The following TLCD2 variants were observed in gnomAD, a reference collection of about 807,000 sequenced individuals.
TLCD2 encodes TLC domain containing 2.
Under a neutral mutation model 14.0 loss-of-function variants are expected in TLCD2, and 12 were observed. That is an observed-to-expected ratio of 0.86 (90% CI 0.55 to 1.39). The LOEUF is 1.39. Ranked by LOEUF, TLCD2 falls within the 40% of genes most tolerant of loss-of-function variation. The pLI is 0.00. For synonymous variants in TLCD2, 166 were observed against 156.5 expected (o/e 1.06, Z -0.45); for missense variants, 360 against 346.8 (o/e 1.04, Z -0.30).
At position 1,707,752 on chromosome 17, in the gene TLCD2, G is replaced by C. The variant is rs2151144875; in HGVS notation, c.*18C>G. ...GTCCTGGCCCCACCTCCCCCAGCGA[G>C]GGGCCCATGGCTTCTCTCTAGTCTT... is the stretch of plus-strand genomic sequence containing the variant. On this transcript the variant is annotated 3_prime_UTR_variant, in exon 4 of 4. Transcript: ENST00000330676. The C allele has an allele frequency of 1.4e-6, 2 of 1,465,036 alleles. No homozygotes were observed. The highest frequency in any genetic ancestry group is 5.0e-5 in the East Asian group (2 of 40,256). 90.8% of individuals were successfully genotyped at this position (1,465,036 alleles called of 1,614,324 possible).
chr17:1,709,455 T>C (rs1276141761), intron 3 of TLCD2, 44 bp downstream of exon 3: 1 of 999,682 alleles, frequency 1.0e-6, no homozygotes, highest in South Asian at 1.4e-5. Context: ...TGGACAGGGC[T>C]CCCCTCCTCC....
At position 1,707,868 on chromosome 17, in the gene TLCD2, G is replaced by A; in HGVS notation, c.697C>T (p.Pro233Ser). Residue 233 changes from proline (P) to serine (S), a missense_variant, in exon 4 of 4, where the codon CCA (proline) becomes TCA (serine). Physicochemically the swap from Pro to Ser is moderately conservative, Grantham distance 74. Transcript: ENST00000330676. ...VNDVLQSRPHPPSPGHEKTRG... is the reference protein window; with the variant it reads ...VNDVLQSRPHSPSPGHEKTRG... ...GTTTTCTCATGGCCAGGGCTGGGTG[G>A]ATGGGGTCGAGACTGTAGGACATCA... The A allele has an allele frequency of 1.3e-6, 2 of 1,537,230 alleles. No individual in the cohort carries two copies. Among genetic ancestry groups the A allele is most frequent in the Non-Finnish European group, 8.7e-7 (1 of 1,146,892 alleles).
rs987410614 is a variant in TLCD2, at chr17:1,709,875, T to A, written c.188A>T (p.Tyr63Phe). 22 of 1,494,544 alleles carry A rather than the reference T, an allele frequency of 1.5e-5. No homozygotes were observed. The East Asian group carries it at 1.5e-4, about 10-fold the overall frequency. 92.6% of individuals were successfully genotyped at this position (1,494,544 alleles called of 1,614,324 possible). ...GATGGGGTCGGCGGCCATCTGAGGG[T>A]ACAGTGACAGGCTGGGGGCATGGGG... ...GTGALLGLSLYPQMAADPIHG... is the reference protein window; with the variant it reads ...GTGALLGLSLFPQMAADPIHG... Residue 63 changes from tyrosine to phenylalanine, a missense_variant, in exon 2 of 4, where the codon TAC becomes TTC. Transcript: ENST00000330676.
Position 1,710,260 on chromosome 17 carries a change from G to A in TLCD2, c.-18C>T, listed in dbSNP as rs1309432558. 6.6e-7 allele frequency: 1 copy of A among 1,506,662 alleles called. No homozygotes were observed. Among genetic ancestry groups the A allele is most frequent in the South Asian group, 1.2e-5 (1 of 80,708 alleles). 93.3% of individuals were successfully genotyped at this position (1,506,662 alleles called of 1,614,324 possible). On this transcript the variant is annotated 5_prime_UTR_variant, in exon 1 of 4. Transcript: ENST00000330676. This position sits in a 1 kb window ranked among gnomAD's most constrained non-coding sequence, Gnocchi z 6.1. ...GGCGCCATGGCCTGGCGGTTGGGGG[G>A]TTGCGGGGAGTCCGGGTCGGTCCCC... is the stretch of plus-strand genomic sequence containing the variant.
At position 1,710,061 on chromosome 17, in the gene TLCD2, CCG is replaced by C. The variant is rs1341489524; in HGVS notation, c.176+4_176+5del. 2.6e-6 allele frequency: 4 copies of C among 1,532,536 alleles called. No individual in the cohort carries two copies. The African/African-American group carries it at 5.5e-5, about 21-fold the overall frequency. The allele number at this position is 1,532,536 out of a possible 1,614,324, so 94.9% of individuals were successfully genotyped here. On this transcript the variant is annotated splice_donor_5th_base_variant and intron_variant, in intron 1 of 3. Coordinates refer to ENST00000330676, the MANE Select transcript of TLCD2 (RefSeq NM_001164407.2). The surrounding 1 kb of genome is among the most constrained non-coding windows in gnomAD (Gnocchi z 6.1). Reference sequence around the variant, plus strand: ...CCCCGTGCGCCTCGAGCCCCCAAGCCCGCACCCGAGCAGCGCCCCGGTCCCCG... The same window carrying C: ...CCCCGTGCGCCTCGAGCCCCCAAGCCCACCCGAGCAGCGCCCCGGTCCCCG...
In TLCD2 at chr17:1,709,912, G is replaced by C. The variant is rs59728439; in HGVS notation, c.177-26C>G. 2.9e-5 allele frequency: 44 copies of C among 1,520,842 alleles called. 1 individual carries two copies. The Middle Eastern group carries it at 6.8e-4, about 24-fold the overall frequency. 94.2% of individuals were successfully genotyped at this position (1,520,842 alleles called of 1,614,324 possible). A position where few individuals can be genotyped will look rare whatever the true frequency, so the allele number is the denominator to read the frequency against. ...CTGGGGGCATGGGGTGGGGACATGG[G>C]GGGGGGCATGGTCAGCCTCTCGAGG... On this transcript the variant is annotated intron_variant, in intron 1 of 3. Transcript: ENST00000330676.
chr17:1,708,286 C>T, intron 3 of TLCD2, 64 bp from the exon 4 acceptor site: 2 of 1,318,316 alleles, frequency 1.5e-6, no homozygotes, highest in Non-Finnish European at 2.0e-6. Context: ...TCCCAATAAC[C>T]CAGGCCTGAA....
chr17:1,703,707 C>CAAGTATT lies in TLCD2; in HGVS notation c.*4062_*4063insAATACTT, dbSNP rs1348812109. On this transcript the variant is annotated 3_prime_UTR_variant, in exon 4 of 4. Coordinates refer to ENST00000330676, the MANE Select transcript of TLCD2 (RefSeq NM_001164407.2). ...ATCAAGTATTACCAAAAGGGACACT[C>CAAGTATT]ACTCAAACCATCATGAATGTATACC... 6.6e-6 allele frequency: 1 copy of CAAGTATT among 152,172 alleles called. No homozygotes were observed. The highest frequency in any genetic ancestry group is 2.4e-5 in the African/African-American group (1 of 41,428). The allele number at this position is 152,172 out of a possible 1,614,324, so 9.4% of individuals were successfully genotyped here.
chr17:1,708,853 C>T (rs1252231380), intron 3 of TLCD2, among the ~76,000 whole-genome samples: 1 of 152,218 alleles, frequency 6.6e-6, no homozygotes, highest in Non-Finnish European at 1.5e-5. Flanking sequence ...CCATATTCCA[C>T]ATTTCTGTGA....
chr17:1,710,078 C>T lies in TLCD2; in HGVS notation c.165G>A (p.Gly55=). 6.5e-7 allele frequency: 1 copy of T among 1,533,078 alleles called. No individual in the cohort carries two copies. Among genetic ancestry groups the T allele is most frequent in the East Asian group, 2.4e-5 (1 of 40,882 alleles). The allele number at this position is 1,533,078 out of a possible 1,614,324, so 95.0% of individuals were successfully genotyped here. A position where few individuals can be genotyped will look rare whatever the true frequency, so the allele number is the denominator to read the frequency against. The change falls in exon 1 of 4, where the codon GGG becomes GGA. Residue 55 remains glycine (G), a synonymous_variant. Transcript: ENST00000330676. The surrounding 1 kb of genome is among the most constrained non-coding windows in gnomAD (Gnocchi z 6.1). ...CCCCAAGCCCGCACCCGAGCAGCGC[C>T]CCGGTCCCCGAGAGCAGGCTGTGCG... The part of the protein sequence containing the change: ...SLAHSLLSGT[G]ALLGLSLYPQ...
At position 1,707,733 on chromosome 17, in the gene TLCD2, G is replaced by A. The variant is rs1914077663; in HGVS notation, c.*37C>T. 4.1e-6 allele frequency: 6 copies of A among 1,450,714 alleles called. No homozygotes were observed. The highest frequency in any genetic ancestry group is 5.5e-6 in the Non-Finnish European group (6 of 1,099,118). The allele number at this position is 1,450,714 out of a possible 1,614,324, so 89.9% of individuals were successfully genotyped here. On this transcript the variant is annotated 3_prime_UTR_variant, in exon 4 of 4. Coordinates refer to ENST00000330676, the MANE Select transcript of TLCD2 (RefSeq NM_001164407.2). ...GGAAGACCCTCATCTCCTTGTCCTG[G>A]CCCCACCTCCCCCAGCGAGGGGCCC... is the stretch of plus-strand genomic sequence containing the variant.
At chr17:1,709,648 C>T (rs1477616450) in intron 2 of TLCD2, 67 bp from the exon 3 acceptor site, 2 of 1,363,208 alleles carry the variant, frequency 1.5e-6, no homozygotes, top group Non-Finnish European at 2.0e-6. Flanking sequence ...ATTTCCAGCC[C>T]CCCCGCCCCG....
chr17:1,709,972 C>T, intron 1 of TLCD2, 86 bp from the exon 2 acceptor site: 1 of 1,511,796 alleles, frequency 6.6e-7, no homozygotes, highest in South Asian at 1.2e-5. Flanking sequence ...CACCCCCACC[C>T]CAGTCTCAGC....
In TLCD2 at chr17:1,708,029, A is replaced by G; in HGVS notation, c.536T>C (p.Val179Ala). Residue 179 changes from valine to alanine, a missense_variant, in exon 4 of 4, where the codon GTC becomes GCC. Physicochemically the swap from Val to Ala is moderately conservative, Grantham distance 64 (BLOSUM62 0). Coordinates refer to ENST00000330676, the MANE Select transcript of TLCD2 (RefSeq NM_001164407.2). ...CCACAGACTCATCCACCCCAGCGGGACCAGGCGGAAGAGGGCCAAGGTGGC... is the reference window on the plus strand; with the variant it reads ...CCACAGACTCATCCACCCCAGCGGGGCCAGGCGGAAGAGGGCCAAGGTGGC... ...SLATLALFRL[V>A]PLGWMSLWLF... is the part of the protein sequence containing the mutation. 8.5e-6 allele frequency: 13 copies of G among 1,537,248 alleles called. No homozygotes were observed. Among genetic ancestry groups the G allele is most frequent in the East Asian group, 2.4e-5 (1 of 40,918 alleles).
In TLCD2 at chr17:1,710,048, C is replaced by T; in HGVS notation, c.176+19G>A. 1 of 1,531,310 alleles carries T rather than the reference C, an allele frequency of 6.5e-7. No homozygotes were observed. Among genetic ancestry groups the T allele is most frequent in the South Asian group, 1.2e-5 (1 of 83,782 alleles). 94.9% of individuals were successfully genotyped at this position (1,531,310 alleles called of 1,614,324 possible). A position where few individuals can be genotyped will look rare whatever the true frequency, so the allele number is the denominator to read the frequency against. ...CCCCTCGCCCTCGCCCCGTGCGCCT[C>T]GAGCCCCCAAGCCCGCACCCGAGCA... On this transcript the variant is annotated intron_variant, in intron 1 of 3. Coordinates refer to ENST00000330676, the MANE Select transcript of TLCD2 (RefSeq NM_001164407.2). The surrounding 1 kb of genome is among the most constrained non-coding windows in gnomAD (Gnocchi z 6.1).
At position 1,703,163 on chromosome 17, in the gene TLCD2, C is replaced by A. The variant is rs1470887497; in HGVS notation, c.*4607G>T. On this transcript the variant is annotated 3_prime_UTR_variant, in exon 4 of 4. Transcript: ENST00000330676. ...TTTATGTTGCCCACACTCCAATTCT[C>A]TGCCTACTTACTCAGTTGTAATCAC... The A allele has an allele frequency of 2.0e-5, 3 of 151,998 alleles. No individual in the cohort carries two copies. Among genetic ancestry groups the A allele is most frequent in the African/African-American group, 7.3e-5 (3 of 41,364 alleles). The allele number at this position is 151,998 out of a possible 1,614,324, so 9.4% of individuals were successfully genotyped here.
At position 1,710,081 on chromosome 17, in the gene TLCD2, G is replaced by A. The variant is rs1468755461; in HGVS notation, c.162C>T (p.Thr54=). Residue 54 remains threonine (T), a synonymous_variant, in exon 1 of 4, where the codon ACC becomes ACT. Coordinates refer to ENST00000330676, the MANE Select transcript of TLCD2 (RefSeq NM_001164407.2). This position sits in a 1 kb window ranked among gnomAD's most constrained non-coding sequence, Gnocchi z 6.1. The stretch of plus-strand genomic sequence containing the variant: ...CAAGCCCGCACCCGAGCAGCGCCCC[G>A]GTCCCCGAGAGCAGGCTGTGCGCCA... ...VSLAHSLLSG[T]GALLGLSLYP... 5.2e-6 allele frequency: 8 copies of A among 1,533,004 alleles called. No individual in the cohort carries two copies. The highest frequency in any genetic ancestry group is 2.0e-5 in the Admixed American group (1 of 50,952). 95.0% of individuals were successfully genotyped at this position (1,533,004 alleles called of 1,614,324 possible).
At chr17:1,709,075 T>G (rs930752623) in intron 3 of TLCD2, among the ~76,000 whole-genome samples, 1 of 151,938 alleles carries the variant, frequency 6.6e-6, no homozygotes, top group East Asian at 1.9e-4. Context: ...GCAGAGACTG[T>G]GGGAAATTAT....
chr17:1,708,407 C>A (rs533561149), intron 3 of TLCD2, among the ~76,000 whole-genome samples, 185 bp from the exon 4 acceptor site: 2 of 151,584 alleles, frequency 1.3e-5, no homozygotes, highest in Non-Finnish European at 2.9e-5. Flanking sequence ...ATAGATGGAA[C>A]CAGGCTTGGC....
Sources: gnomAD v4.1 joint callset for allele counts (sites outside exome capture counted in the v4.1 genomes callset) on GRCh38, gnomAD v4.1.1 for gene constraint, Gnocchi (gnomAD v3.1) non-coding constraint, MANE v1.5 for transcripts, NCBI Gene and HGNC (gene_info 2026-07-23, HGNC 2026-07-21) for gene names.